TINAGL1: variants seen among roughly 807,000 people sequenced by gnomAD.
TINAGL1 encodes tubulointerstitial nephritis antigen-like.
In TINAGL1, 34 loss-of-function variants were observed where a neutral mutation model predicts 62.0. The observed-to-expected ratio is 0.55, with a 90% confidence interval of 0.42 to 0.73. The LOEUF (loss-of-function observed/expected upper bound fraction) is 0.73, where lower values mean the gene tolerates loss of function less well. TINAGL1 is among the 30% of genes least tolerant of loss of function. TINAGL1 has a pLI of 0.00. For synonymous variants in TINAGL1, 221 were observed against 249.7 expected (o/e 0.88, Z 1.08); for missense variants, 516 against 653.2 (o/e 0.79, Z 2.29).
At chr1:31,586,175 C>T (rs1044361926) in intron 10 of TINAGL1, 1 of 337,386 alleles carries the variant, frequency 3.0e-6, no homozygotes, top group African/African-American at 2.1e-5. Flanking sequence ...TGTCCCAGCT[C>T]TGCCTGACCC....
At chr1:31,579,382 C>T (rs1402321899) in intron 3 of TINAGL1, 115 bp downstream of exon 3, 11 of 836,562 alleles carry the variant, frequency 1.3e-5, no homozygotes, top group African/African-American at 5.1e-5. Context: ...CTTCTTTGAA[C>T]CTCAGTTTCC....
Position 31,585,246 on chromosome 1 carries a change from G to C in TINAGL1, c.953G>C (p.Arg318Pro). 1 of 1,613,574 alleles carries C rather than the reference G, an allele frequency of 6.2e-7. No homozygotes were observed. Among genetic ancestry groups the C allele is most frequent in the South Asian group, 1.1e-5 (1 of 90,934 alleles). ...PCMMHSRAMG[R>P]GKRQATAHCP... Reference sequence around the variant, plus strand: ...ATGATGCACAGCCGAGCCATGGGTCGGGGCAAGCGCCAGGCCACTGCCCAC... The same window carrying C: ...ATGATGCACAGCCGAGCCATGGGTCCGGGCAAGCGCCAGGCCACTGCCCAC... The change falls in exon 8 of 12, where the codon CGG becomes CCG. Residue 318 changes from arginine to proline, a missense_variant. Transcript: ENST00000271064. This position sits in a 1 kb window ranked among gnomAD's most constrained non-coding sequence, Gnocchi z 4.3.
In TINAGL1 at chr1:31,584,590, G is replaced by A; in HGVS notation, c.583-88G>A. Reference sequence around the variant, plus strand: ...TCAAGATTAAACTGCAGAAGGCCCTGGACTTGGTGGCCCTCCAGTGCCAAT... The same window carrying A: ...TCAAGATTAAACTGCAGAAGGCCCTAGACTTGGTGGCCCTCCAGTGCCAAT... On this transcript the variant is annotated intron_variant, in intron 5 of 11. Transcript: ENST00000271064. This position sits in a 1 kb window ranked among gnomAD's most constrained non-coding sequence, Gnocchi z 4.0. 1 of 1,596,826 alleles carries A rather than the reference G, an allele frequency of 6.3e-7. No individual in the cohort carries two copies. Among genetic ancestry groups the A allele is most frequent in the South Asian group, 1.1e-5 (1 of 90,110 alleles).
At position 31,578,926 on chromosome 1, in the gene TINAGL1, T is replaced by C. The variant is rs1323119464; in HGVS notation, c.311-278T>C. Among the ~76,000 whole-genome samples, 2 of 57,484 alleles carry C rather than the reference T, an allele frequency of 3.5e-5. 1 individual carries two copies. The highest frequency in any genetic ancestry group is 6.6e-5 in the Non-Finnish European group (2 of 30,292). 37.7% of individuals were successfully genotyped at this position (57,484 alleles called of 152,430 possible). On this transcript the variant is annotated intron_variant, in intron 2 of 11. Transcript: ENST00000271064. Reference sequence around the variant, plus strand: ...ATCTTCAGTTATAGTTTGGCTTCAATTTCAGTGAGAGCTGGTATGTGTGTG... The same window carrying C: ...ATCTTCAGTTATAGTTTGGCTTCAACTTCAGTGAGAGCTGGTATGTGTGTG...
intron 10 of TINAGL1, 147 bp from the exon 11 acceptor site, chr1:31,586,563 A>G (rs945469496): frequency 1.2e-6 from 1 of 844,078 alleles, no homozygotes. Context: ...AGGGAGATGC[A>G]GAGAGGTACA....
chr1:31,586,574 G>A, intron 10 of TINAGL1, 136 bp from the exon 11 acceptor site: 4 of 970,218 alleles, frequency 4.1e-6, no homozygotes, highest in Non-Finnish European at 6.4e-6. Context: ...GAGAGGTACA[G>A]AGACCTGCCT....
chr1:31,578,606 G>GTTGTGTCTAT (rs1553148661), intron 2 of TINAGL1, among the ~76,000 whole-genome samples: 1 of 98,118 alleles, frequency 1.0e-5, no homozygotes, highest in African/African-American at 4.0e-5. Flanking sequence ...AGTGAGAGCT[G>GTTGTGTCTAT]GTGTGTGTGT....
rs1029961724 is a variant in TINAGL1, at chr1:31,576,946, C to T, written c.-15-188C>T. On this transcript the variant is annotated intron_variant, in intron 1 of 11. Transcript: ENST00000271064. The surrounding 1 kb of genome is among the most constrained non-coding windows in gnomAD (Gnocchi z 5.1). ...AGGTCAGGGAGGGGCTCCGTTTCTG[C>T]CCAGTCCCCATCCCCCTATAGCCAG... is the stretch of plus-strand genomic sequence containing the variant. 1 of 551,638 alleles carries T rather than the reference C, an allele frequency of 1.8e-6. No individual in the cohort carries two copies. Among genetic ancestry groups the T allele is most frequent in the Non-Finnish European group, 3.1e-6 (1 of 321,462 alleles). The allele number at this position is 551,638 out of a possible 1,614,324, so 34.2% of individuals were successfully genotyped here. A position where few individuals can be genotyped will look rare whatever the true frequency, so the allele number is the denominator to read the frequency against.
At position 31,577,934 on chromosome 1, in the gene TINAGL1, G is replaced by A. The variant is rs896485955; in HGVS notation, c.310+476G>A. Among the ~76,000 whole-genome samples, 7 of 152,138 alleles carry A rather than the reference G, an allele frequency of 4.6e-5. No individual in the cohort carries two copies. The highest frequency in any genetic ancestry group is 3.8e-4 in the East Asian group (2 of 5,196). ...CCTGTCCAATAGGAGAATCACTTGC[G>A]TTCCTTCCCACAGTTCCATGGGGCT... On this transcript the variant is annotated intron_variant, in intron 2 of 11. Transcript: ENST00000271064. The surrounding 1 kb of genome is among the most constrained non-coding windows in gnomAD (Gnocchi z 5.4).
At chr1:31,586,308 G>T (rs1053814305) in intron 10 of TINAGL1, 8 of 346,890 alleles carry the variant, frequency 2.3e-5, no homozygotes, top group Non-Finnish European at 4.2e-5. Context: ...GGGAATTGGC[G>T]GTCTCTAAGA....
chr1:31,580,538 G>A (rs1399779947), intron 3 of TINAGL1: 1 of 1,289,324 alleles, frequency 7.8e-7, no homozygotes, highest in East Asian at 5.6e-5. Context: ...GAGAGGGAAA[G>A]GAAGGATGAG....
chr1:31,586,095 C>T (rs769951831), intron 10 of TINAGL1: 1 of 505,564 alleles, frequency 2.0e-6, no homozygotes, highest in South Asian at 3.9e-5. Flanking sequence ...TCCTTCCTTA[C>T]ATTGGGATAA....
chr1:31,580,147 T>C, intron 3 of TINAGL1: 1 of 766,716 alleles, frequency 1.3e-6, no homozygotes, highest in Non-Finnish European at 1.8e-6. Flanking sequence ...GCTCTGGACG[T>C]TGAGGGGTTA....
intron 10 of TINAGL1, 177 bp from the exon 11 acceptor site, chr1:31,586,533 G>T: frequency 1.4e-6 from 1 of 714,604 alleles, no homozygotes; most frequent in Non-Finnish European, 2.4e-6. Context: ...TGGGTGCACC[G>T]ACTTACAGAT....
Position 31,577,232 on chromosome 1 carries a change from C to T in TINAGL1, c.84C>T (p.Arg28=), listed in dbSNP as rs564658216. 73 of 1,606,288 alleles carry T rather than the reference C, an allele frequency of 4.5e-5. 1 individual carries two copies. In the South Asian group the frequency reaches 6.1e-4, roughly 13 times the overall value. ...TGGGTGCCCAGCAGGGTCGTGGGCG[C>T]CGGGAGCTAGCACCGGGTCTGCACC... ...LALGAQQGRG[R]RELAPGLHLR... is the part of the protein sequence containing the mutation. Residue 28 remains arginine (R), a synonymous_variant, in exon 2 of 12, where the codon CGC becomes CGT. Coordinates refer to ENST00000271064, the MANE Select transcript of TINAGL1 (RefSeq NM_022164.3). This position sits in a 1 kb window ranked among gnomAD's most constrained non-coding sequence, Gnocchi z 5.4.
Position 31,585,589 on chromosome 1 carries a change from A to G in TINAGL1, c.1093+104A>G, listed in dbSNP as rs556143847. 1.3e-4 allele frequency: 198 copies of G among 1,552,570 alleles called. 1 individual carries two copies. In the African/African-American group the frequency reaches 2.4e-3, roughly 19 times the overall value. The stretch of plus-strand genomic sequence containing the variant: ...CACAGCATTCAGCAGCATGTCCAGT[A>G]GGGCCAGGAGTAGGGGTCCCCCCCT... On this transcript the variant is annotated intron_variant, in intron 9 of 11. Transcript: ENST00000271064. This position sits in a 1 kb window ranked among gnomAD's most constrained non-coding sequence, Gnocchi z 4.3.
At position 31,584,256 on chromosome 1, in the gene TINAGL1, C is replaced by T; in HGVS notation, c.583-422C>T. The T allele has an allele frequency of 5.4e-6, 1 of 183,984 alleles. No individual in the cohort carries two copies. The allele number at this position is 183,984 out of a possible 1,614,324, so 11.4% of individuals were successfully genotyped here. A position where few individuals can be genotyped will look rare whatever the true frequency, so the allele number is the denominator to read the frequency against. ...TTCTGCCTCTTGCTGTTTGTGTTGG[C>T]AGACTGCCTGGTCACGGGACCCTAC... On this transcript the variant is annotated intron_variant, in intron 5 of 11. Transcript: ENST00000271064. The surrounding 1 kb of genome is among the most constrained non-coding windows in gnomAD (Gnocchi z 4.0).
Position 31,577,612 on chromosome 1 carries a change from G to T in TINAGL1, c.310+154G>T. ...GCCCCTCTGGGAACTTTACTCTCCA[G>T]CAAGACTGAAGAAGCTCCTTGGTTA... On this transcript the variant is annotated intron_variant, in intron 2 of 11. Coordinates refer to ENST00000271064, the MANE Select transcript of TINAGL1 (RefSeq NM_022164.3). This position sits in a 1 kb window ranked among gnomAD's most constrained non-coding sequence, Gnocchi z 5.4. 1 of 839,100 alleles carries T rather than the reference G, an allele frequency of 1.2e-6. No homozygotes were observed. The highest frequency in any genetic ancestry group is 1.8e-6 in the Non-Finnish European group (1 of 557,864). 52.0% of individuals were successfully genotyped at this position (839,100 alleles called of 1,614,324 possible).
intron 3 of TINAGL1, chr1:31,580,231 C>G (rs887700404): frequency 2.0e-5 from 20 of 1,005,642 alleles, no homozygotes; most frequent in East Asian, 9.6e-5. Context: ...CTCTCTGTCT[C>G]TCTCTGTCTC....
Sources: allele counts gnomAD v4.1 joint callset (sites outside exome capture counted in the v4.1 genomes callset), GRCh38; gene constraint gnomAD v4.1.1; non-coding constraint Gnocchi (gnomAD v3.1); transcripts MANE v1.5; gene names NCBI Gene and HGNC (gene_info 2026-07-23, HGNC 2026-07-21).